TMEM120A: variants seen among roughly 807,000 people sequenced by gnomAD.
TMEM120A encodes ion channel TACAN.
A neutral mutation model predicts 54.3 loss-of-function variants in TMEM120A; 45 were observed. The observed-to-expected ratio is 0.83, with a 90% CI of 0.65 to 1.06. The LOEUF (loss-of-function observed/expected upper bound fraction) is 1.06, where lower values mean the gene tolerates loss of function less well. Ranked by LOEUF, TMEM120A falls within the 50% of genes least tolerant of loss-of-function variation. The probability of loss-of-function intolerance (pLI) is 0.00; values close to 1 mark genes in which losing one functional copy is unlikely to be tolerated. For missense variants in TMEM120A, 424 were observed against 441.7 expected (o/e 0.96, Z 0.36); for synonymous variants, 204 against 178.5 (o/e 1.14, Z -1.14).
rs957088256 is a variant in TMEM120A, at chr7:75,986,991, T to C, written c.*181A>G. 8 of 578,620 alleles carry C rather than the reference T, an allele frequency of 1.4e-5. No individual in the cohort carries two copies. The highest frequency in any genetic ancestry group is 2.5e-5 in the Non-Finnish European group (8 of 325,784). The allele number at this position is 578,620 out of a possible 1,614,324, so 35.8% of individuals were successfully genotyped here. A position where few individuals can be genotyped will look rare whatever the true frequency, so the allele number is the denominator to read the frequency against. ...AGAACACACACGCTCAGGCCACCTC[T>C]GGGCCTCTCTTTATTGAGGGCACTG... On this transcript the variant is annotated 3_prime_UTR_variant, in exon 12 of 12. Transcript: ENST00000493111.
At chr7:75,992,064 C>G in intron 3 of TMEM120A, 80 bp downstream of exon 3, 1 of 1,033,208 alleles carries the variant, frequency 9.7e-7, no homozygotes, top group South Asian at 1.5e-5. Context: ...CATTTGCTGA[C>G]TATAATGACC....
intron 4 of TMEM120A, 25 bp downstream of exon 4, chr7:75,989,140 G>GGGGGGGA: frequency 8.0e-7 from 1 of 1,252,210 alleles, no homozygotes; most frequent in Non-Finnish European, 1.1e-6. Flanking sequence ...GTGGAGGTTG[G>GGGGGGGA]GGGGTGGAGG....
At position 75,987,282 on chromosome 7, in the gene TMEM120A, G is replaced by A. The variant is rs781980956; in HGVS notation, c.922C>T (p.Leu308Phe). The change falls in exon 12 of 12, where the codon CTT becomes TTT. Residue 308 changes from leucine to phenylalanine, a missense_variant. By Grantham distance (22) the Leu-to-Phe change is conservative (BLOSUM62 0). Transcript: ENST00000493111. ...AGGAGGAAGGGAAAGCCGCACATAA[G>A]CACCTGCCGGAGGAATAGGGTGAGG... ...QDPQCKEWQV[L>F]MCGFPFLLLF... 6.3e-7 allele frequency: 1 copy of A among 1,597,080 alleles called. No homozygotes were observed. Among genetic ancestry groups the A allele is most frequent in the Admixed American group, 1.7e-5 (1 of 57,258 alleles).
Position 75,992,241 on chromosome 7 carries a change from C to A in TMEM120A, c.220G>T (p.Ala74Ser). 6.2e-7 allele frequency: 1 copy of A among 1,610,064 alleles called. No individual in the cohort carries two copies. Among genetic ancestry groups the A allele is most frequent in the Non-Finnish European group, 8.5e-7 (1 of 1,178,078 alleles). ...ALKKCKPSLPAEAEGAAQELE... is the reference protein window; with the variant it reads ...ALKKCKPSLPSEAEGAAQELE... ...TCCTGTGCGGCCCCCTCGGCCTCTG[C>A]TGGGAGGGAGGGTTTGCATCTGCGG... The change falls in exon 3 of 12, where the codon GCA becomes TCA. Residue 74 changes from alanine to serine, a missense_variant. Transcript: ENST00000493111.
At chr7:75,991,186 C>T (rs1789831911) in intron 3 of TMEM120A, among the ~76,000 whole-genome samples, 1 of 152,128 alleles carries the variant, frequency 6.6e-6, no homozygotes, top group African/African-American at 2.4e-5. Flanking sequence ...CCCCATCCGT[C>T]CTCCTGGGTG....
intron 2 of TMEM120A, 54 bp downstream of exon 2, chr7:75,992,385 C>T (rs1046101590): frequency 1.6e-5 from 25 of 1,570,870 alleles, no homozygotes; most frequent in Non-Finnish European, 1.8e-5. Context: ...TCTCACAGCG[C>T]CAGCCCTCCC....
In TMEM120A at chr7:75,992,949, C is replaced by T. The variant is rs2116675840; in HGVS notation, c.82-392G>A. Among the ~76,000 whole-genome samples the T allele has an allele frequency of 3.3e-5, 5 of 152,308 alleles. 1 individual carries two copies. The Middle Eastern group carries it at 0.01, about 311-fold the overall frequency. On this transcript the variant is annotated intron_variant, in intron 1 of 11. Transcript: ENST00000493111. ...TCCCAAGTAGCTAGGATTACAGGCA[C>T]CTGCCATCATGCCTGGCTAATTTTT...
chr7:75,987,581 C>T lies in TMEM120A; in HGVS notation c.806G>A (p.Trp269Ter). The T allele has an allele frequency of 6.2e-7, 1 of 1,608,164 alleles. No individual in the cohort carries two copies. The highest frequency in any genetic ancestry group is 2.2e-5 in the East Asian group (1 of 44,658). ...LTVEGFQSWM[W>*]RGLTFLLPFL... The stretch of plus-strand genomic sequence containing the variant: ...AGGCAGCAGGAAGGTGAGGCCCCGC[C>T]ACATCCAGGACTGGAAGCCCTCTGC... Residue 269 changes from tryptophan (W) to a stop codon, truncating the protein, a stop_gained, in exon 10 of 12, where the codon TGG (tryptophan) becomes TAG (stop). Transcript: ENST00000493111. LOFTEE classifies it high-confidence loss of function.
intron 3 of TMEM120A, among the ~76,000 whole-genome samples, chr7:75,990,855 A>T (rs1181523404): frequency 4.7e-5 from 7 of 147,838 alleles, no homozygotes. Flanking sequence ...GCCGAGATCA[A>T]GTGACTGCAC....
In TMEM120A at chr7:75,994,529, C is replaced by T; in HGVS notation, c.42G>A (p.Arg14=). The T allele has an allele frequency of 6.4e-7, 1 of 1,564,814 alleles. No homozygotes were observed. The highest frequency in any genetic ancestry group is 2.4e-5 in the East Asian group (1 of 41,338). The change falls in exon 1 of 12, where the codon CGG becomes CGA. Residue 14 remains arginine (R), a synonymous_variant. Transcript: ENST00000493111. The part of the protein sequence containing the change: ...PPPGPLGDCL[R]DWEDLQQDFQ... ...AGTCCTGCTGTAGATCCTCCCAGTC[C>T]CGCAGGCAGTCGCCCAGCGGGCCCG...
At chr7:75,994,093 AC>A (rs1175185766) in intron 1 of TMEM120A, among the ~76,000 whole-genome samples, 1 of 151,056 alleles carries the variant, frequency 6.6e-6, no homozygotes, top group African/African-American at 2.4e-5. Context: ...GGCCGAGGAC[AC>A]CCCCCTAAAC....
chr7:75,989,863 A>G (rs972028403), intron 3 of TMEM120A, among the ~76,000 whole-genome samples: 8 of 151,452 alleles, frequency 5.3e-5, no homozygotes, highest in African/African-American at 1.9e-4. Context: ...TTTTTTGCCA[A>G]TCCCCTTCAT....
At chr7:75,990,213 A>G (rs1346364447) in intron 3 of TMEM120A, among the ~76,000 whole-genome samples, 1 of 151,756 alleles carries the variant, frequency 6.6e-6, no homozygotes, top group African/African-American at 2.4e-5. Flanking sequence ...GCCTCTCCAC[A>G]TCCTCTCCCC....
Position 75,988,443 on chromosome 7 carries a change from A to T in TMEM120A, c.451T>A (p.Cys151Ser), listed in dbSNP as rs782560822. The T allele has an allele frequency of 4.3e-6, 7 of 1,611,034 alleles. No homozygotes were observed. In the Admixed American group the frequency reaches 1.2e-4, roughly 27 times the overall value. ...TIILILISFT[C>S]RFLLNSRVTD... The stretch of plus-strand genomic sequence containing the variant: ...CACCTGGAGTTGAGCAGGAAGCGGC[A>T]AGTGAAGGAGATGAGGATGAGGATG... Residue 151 changes from cysteine to serine, a missense_variant, in exon 5 of 12, where the codon TGC becomes AGC. Physicochemically the swap from Cys to Ser is moderately radical, Grantham distance 112. Transcript: ENST00000493111.
Position 75,988,249 on chromosome 7 carries a change from C to T in TMEM120A, c.563+3G>A, listed in dbSNP as rs534499056. 2 of 1,612,034 alleles carry T rather than the reference C, an allele frequency of 1.2e-6. No homozygotes were observed. Among genetic ancestry groups the T allele is most frequent in the East Asian group, 2.2e-5 (1 of 44,808 alleles). On this transcript the variant is annotated splice_donor_region_variant and intron_variant, in intron 6 of 11. Transcript: ENST00000493111. ...CCCCTCCCTCAGGGCCCGCCCTGCC[C>T]ACCGGGAGCCGTTGTTGATGAGGAT...
chr7:75,988,594 G>T, intron 4 of TMEM120A, 78 bp from the exon 5 acceptor site: 1 of 921,056 alleles, frequency 1.1e-6, no homozygotes, highest in Non-Finnish European at 1.7e-6. Context: ...GGGCAGCTGA[G>T]CCAAGGGTAG....
intron 1 of TMEM120A, among the ~76,000 whole-genome samples, chr7:75,994,009 T>C (rs1462061714): frequency 1.6e-5 from 2 of 121,902 alleles, no homozygotes; most frequent in African/African-American, 6.2e-5. Context: ...CACATGGGCC[T>C]GTCAAGTCCC....
rs532117123 is a variant in TMEM120A at position 75,988,415 on chromosome 7, G to T, written c.473+6C>A. ...GGTGGGTCCTCGGCCGGGGTGGGAC[G>T]CCCACCTGGAGTTGAGCAGGAAGCG... On this transcript the variant is annotated splice_donor_region_variant and intron_variant, in intron 5 of 11. Transcript: ENST00000493111. 82 of 1,610,684 alleles carry T rather than the reference G, an allele frequency of 5.1e-5. 1 individual carries two copies. In the South Asian group the frequency reaches 8.7e-4, roughly 17 times the overall value.
rs562661421 is a variant in TMEM120A at position 75,992,567 on chromosome 7, G to A, written c.82-10C>T. The stretch of plus-strand genomic sequence containing the variant: ...AGAGCCGATGGGTCTCCTGGGGGCC[G>A]GAGGGGAGAGGCTCAGGCCAGTTGG... On this transcript the variant is annotated splice_polypyrimidine_tract_variant and intron_variant, in intron 1 of 11. Transcript: ENST00000493111. 6.9e-5 allele frequency: 107 copies of A among 1,550,656 alleles called. No individual in the cohort carries two copies. Among genetic ancestry groups the A allele is most frequent in the African/African-American group, 3.8e-4 (28 of 73,476 alleles).
Sources: gnomAD v4.1 joint callset for allele counts (sites outside exome capture counted in the v4.1 genomes callset) on GRCh38, gnomAD v4.1.1 for gene constraint, MANE v1.5 for transcripts, NCBI Gene and HGNC (gene_info 2026-07-23, HGNC 2026-07-21) for gene names.